TMEM237: variants seen among roughly 807,000 people sequenced by gnomAD.
TMEM237 encodes transmembrane protein 237, also known as amyotrophic lateral sclerosis 2 (juvenile) chromosome region, candidate 4.
In TMEM237, 51 loss-of-function variants were observed where a neutral mutation model predicts 59.1. The ratio of observed to expected loss-of-function variants is 0.86; its 90% CI spans 0.69 to 1.09. TMEM237 has a LOEUF of 1.09. Ranked by LOEUF, TMEM237 falls within the 50% of genes least tolerant of loss-of-function variation. TMEM237 has a pLI of 0.00. For missense variants in TMEM237, 475 were observed against 478.3 expected (o/e 0.99, Z 0.06); for synonymous variants, 140 against 166.1 (o/e 0.84, Z 1.21).
In TMEM237 at chr2:201,623,361, G is replaced by A. The variant is rs561043781; in HGVS notation, c.*894C>T. ...TCTGAAGAGATCTTTCCCAGTGCAG[G>A]ACCCATCTCAAGAGGGGGATTTCCT... On this transcript the variant is annotated 3_prime_UTR_variant, in exon 13 of 13. Coordinates refer to ENST00000409883, the MANE Select transcript of TMEM237 (RefSeq NM_001044385.3). 1.1e-5 allele frequency: 2 copies of A among 174,046 alleles called. No homozygotes were observed. Among genetic ancestry groups the A allele is most frequent in the East Asian group, 3.0e-4 (2 of 6,684 alleles). The allele number at this position is 174,046 out of a possible 1,614,324, so 10.8% of individuals were successfully genotyped here.
At position 201,621,809 on chromosome 2, in the gene TMEM237, A is replaced by G. The variant is rs115896680; in HGVS notation, c.*2446T>C. On this transcript the variant is annotated 3_prime_UTR_variant, in exon 13 of 13. Coordinates refer to ENST00000409883, the MANE Select transcript of TMEM237 (RefSeq NM_001044385.3). The stretch of plus-strand genomic sequence containing the variant: ...TACCAATTGGACTGGATCAGCTTGC[A>G]TGTCAATCTAGTCCACTGTAAGCTG... The G allele has an allele frequency of 1.8e-4, 28 of 152,784 alleles. No homozygotes were observed. Among genetic ancestry groups the G allele is most frequent in the African/African-American group, 6.7e-4 (28 of 41,574 alleles). 9.5% of individuals were successfully genotyped at this position (152,784 alleles called of 1,614,324 possible).
At chr2:201,638,840 C>T in intron 4 of TMEM237, 149 bp downstream of exon 4, 1 of 762,456 alleles carries the variant, frequency 1.3e-6, no homozygotes, top group Non-Finnish European at 2.1e-6. Flanking sequence ...ACCAGGAATT[C>T]CACTGCTTCA....
In TMEM237 at chr2:201,624,041, C is replaced by G; in HGVS notation, c.*214G>C. 1 of 383,570 alleles carries G rather than the reference C, an allele frequency of 2.6e-6. No homozygotes were observed. The highest frequency in any genetic ancestry group is 4.1e-5 in the East Asian group (1 of 24,378). 23.8% of individuals were successfully genotyped at this position (383,570 alleles called of 1,614,324 possible). On this transcript the variant is annotated 3_prime_UTR_variant, in exon 13 of 13. Coordinates refer to ENST00000409883, the MANE Select transcript of TMEM237 (RefSeq NM_001044385.3). ...CTTGCTGGTTTCTAGTTCATTATTCCCTTTGTCATTAAGATGATAATGCTA... is the reference window on the plus strand; with the variant it reads ...CTTGCTGGTTTCTAGTTCATTATTCGCTTTGTCATTAAGATGATAATGCTA...
At chr2:201,640,994 C>CT in intron 1 of TMEM237, 70 bp from the exon 2 acceptor site, 2 of 1,406,254 alleles carry the variant, frequency 1.4e-6, no homozygotes, top group Non-Finnish European at 1.9e-6. Context: ...TACCATCACG[C>CT]TATTTTTTTT....
In TMEM237 at chr2:201,629,753, G is replaced by A; in HGVS notation, c.653C>T (p.Ala218Val). ...VKPSWTTRDV[A>V]LTVHRAFRMI... is the part of the protein sequence containing the mutation. ...CCTGAAAGCCCGGTGCACTGTAAGT[G>A]CCACATCTCTGGTGGTCCAGGAAGG... The change falls in exon 8 of 13, where the codon GCA (alanine) becomes GTA (valine). Residue 218 changes from alanine (A) to valine (V), a missense_variant. Physicochemically the swap from Ala to Val is moderately conservative, Grantham distance 64. Coordinates refer to ENST00000409883, the MANE Select transcript of TMEM237 (RefSeq NM_001044385.3). The A allele has an allele frequency of 6.2e-7, 1 of 1,612,750 alleles. No homozygotes were observed. Among genetic ancestry groups the A allele is most frequent in the Non-Finnish European group, 8.5e-7 (1 of 1,179,630 alleles).
chr2:201,637,199 A>G (rs1265352178), intron 4 of TMEM237, among the ~76,000 whole-genome samples: 1 of 152,230 alleles, frequency 6.6e-6, no homozygotes, highest in Non-Finnish European at 1.5e-5. Flanking sequence ...AACATAATAA[A>G]AACTGATACC....
rs919820399 is a variant in TMEM237 at position 201,635,384 on chromosome 2, G to C, written c.274+1364C>G. Among the ~76,000 whole-genome samples, 16 of 152,180 alleles carry C rather than the reference G, an allele frequency of 1.1e-4. No individual in the cohort carries two copies. The highest frequency in any genetic ancestry group is 1.8e-4 in the Non-Finnish European group (12 of 68,030). On this transcript the variant is annotated intron_variant, in intron 5 of 12. Coordinates refer to ENST00000409883, the MANE Select transcript of TMEM237 (RefSeq NM_001044385.3). The surrounding 1 kb of genome is among the most constrained non-coding windows in gnomAD (Gnocchi z 4.5). Reference sequence around the variant, plus strand: ...GGGAAATGTGGACACAGACACACAAGGAAAAATGTGAAGATGGAAGCAGAG... The same window carrying C: ...GGGAAATGTGGACACAGACACACAACGAAAAATGTGAAGATGGAAGCAGAG...
chr2:201,642,417 C>G (rs1037261375), intron 1 of TMEM237, among the ~76,000 whole-genome samples: 2 of 152,180 alleles, frequency 1.3e-5, no homozygotes, highest in South Asian at 4.1e-4. Context: ...GTCACAGGAA[C>G]GCGCTATTGT....
At chr2:201,633,192 C>T in intron 6 of TMEM237, 119 bp downstream of exon 6, 2 of 1,006,406 alleles carry the variant, frequency 2.0e-6, no homozygotes, top group Non-Finnish European at 1.4e-6. Context: ...AATACTTATC[C>T]TAGAGGTACA....
Position 201,643,357 on chromosome 2 carries a change from A to T in TMEM237, c.42+2T>A. ...GAGGCCGACGCGCCCCTCGCCGCTC[A>T]CCAGGTGGCCCTCCTCCAGCCGAGC... On this transcript the variant is annotated splice_donor_variant, in intron 1 of 12. Coordinates refer to ENST00000409883, the MANE Select transcript of TMEM237 (RefSeq NM_001044385.3). LOFTEE classifies it high-confidence loss of function. This position sits in a 1 kb window ranked among gnomAD's most constrained non-coding sequence, Gnocchi z 4.3. 6.5e-7 allele frequency: 1 copy of T among 1,539,442 alleles called. No homozygotes were observed. The highest frequency in any genetic ancestry group is 8.7e-7 in the Non-Finnish European group (1 of 1,143,028).
intron 7 of TMEM237, chr2:201,630,989 T>G (rs1225833342): frequency 6.6e-6 from 1 of 152,218 alleles, no homozygotes; most frequent in Non-Finnish European, 1.5e-5. Flanking sequence ...AGGCAGCATA[T>G]GCTTAACATA....
intron 1 of TMEM237, chr2:201,642,497 C>T: frequency 7.9e-7 from 1 of 1,268,976 alleles, no homozygotes; most frequent in Non-Finnish European, 1.1e-6. Flanking sequence ...TCAAAAGTCC[C>T]GCAAAAATGA....
rs758806042 is a variant in TMEM237 at position 201,635,050 on chromosome 2, C to CA, written c.275-1620dup. Among the ~76,000 whole-genome samples, 13 of 152,010 alleles carry CA rather than the reference C, an allele frequency of 8.6e-5. No homozygotes were observed. Among genetic ancestry groups the CA allele is most frequent in the Non-Finnish European group, 1.9e-4 (13 of 67,998 alleles). On this transcript the variant is annotated intron_variant, in intron 5 of 12. Coordinates refer to ENST00000409883, the MANE Select transcript of TMEM237 (RefSeq NM_001044385.3). This position sits in a 1 kb window ranked among gnomAD's most constrained non-coding sequence, Gnocchi z 4.5. ...TAATTATTATAAAAGTCATAATGCT[C>CA]AAAATATAAAAAATTAGTAAAATAA... is the stretch of plus-strand genomic sequence containing the variant.
Position 201,632,217 on chromosome 2 carries a change from A to G in TMEM237, c.396-9T>C. On this transcript the variant is annotated splice_polypyrimidine_tract_variant and intron_variant, in intron 6 of 12. Transcript: ENST00000409883. ...CTGCTGGCTGGGTTTTCCTGTAATA[A>G]GGACGTATGTATGAAAAATAGATGA... is the stretch of plus-strand genomic sequence containing the variant. 6.2e-7 allele frequency: 1 copy of G among 1,613,182 alleles called. No individual in the cohort carries two copies. The highest frequency in any genetic ancestry group is 8.5e-7 in the Non-Finnish European group (1 of 1,179,382).
At position 201,627,432 on chromosome 2, in the gene TMEM237, G is replaced by A. The variant is rs745418350; in HGVS notation, c.944-18C>T. 2.7e-6 allele frequency: 4 copies of A among 1,479,136 alleles called. No individual in the cohort carries two copies. Among genetic ancestry groups the A allele is most frequent in the South Asian group, 2.6e-5 (2 of 78,406 alleles). 91.6% of individuals were successfully genotyped at this position (1,479,136 alleles called of 1,614,324 possible). On this transcript the variant is annotated intron_variant, in intron 10 of 12. Coordinates refer to ENST00000409883, the MANE Select transcript of TMEM237 (RefSeq NM_001044385.3). ...AAAGTACACTGAGAAAAAGACAAAT[G>A]AAATTACTAATAATTTTTAACAACC...
At chr2:201,640,711 A>G (rs1315380993) in intron 2 of TMEM237, among the ~76,000 whole-genome samples, 182 bp downstream of exon 2, 1 of 152,082 alleles carries the variant, frequency 6.6e-6, no homozygotes, top group South Asian at 2.1e-4. Context: ...ATAACATTCC[A>G]TTATAACTGT....
At chr2:201,633,072 G>T (rs1559587646) in intron 6 of TMEM237, among the ~76,000 whole-genome samples, 2 of 150,846 alleles carry the variant, frequency 1.3e-5, no homozygotes, top group African/African-American at 4.9e-5. Flanking sequence ...CTTTTTTAGA[G>T]ATGGCTCTTA....
rs1044721047 is a variant in TMEM237, at chr2:201,635,417, T to C, written c.274+1331A>G. On this transcript the variant is annotated intron_variant, in intron 5 of 12. Transcript: ENST00000409883. This position sits in a 1 kb window ranked among gnomAD's most constrained non-coding sequence, Gnocchi z 4.5. The stretch of plus-strand genomic sequence containing the variant: ...GTGAAGATGGAAGCAGAGATTGGCA[T>C]TATGCCACCACAAGTCAAACAATGC... Among the ~76,000 whole-genome samples, 1 of 152,182 alleles carries C rather than the reference T, an allele frequency of 6.6e-6. No homozygotes were observed. Among genetic ancestry groups the C allele is most frequent in the Non-Finnish European group, 1.5e-5 (1 of 68,026 alleles).
chr2:201,629,595 TA>T, intron 8 of TMEM237, 133 bp downstream of exon 8: 1 of 1,348,394 alleles, frequency 7.4e-7, no homozygotes. Context: ...ATAGGATGTT[TA>T]AAAAATATAC....
Sources: allele counts gnomAD v4.1 joint callset (sites outside exome capture counted in the v4.1 genomes callset), GRCh38; gene constraint gnomAD v4.1.1; non-coding constraint Gnocchi (gnomAD v3.1); transcripts MANE v1.5; gene names NCBI Gene and HGNC (gene_info 2026-07-23, HGNC 2026-07-21).